Variants in ABCD2 observed in about 807,000 individuals in gnomAD.
The protein encoded by ABCD2 is ATP binding cassette subfamily D member 2.
ABCD2 carries 36 observed loss-of-function variants against 70.9 expected under a neutral mutation model. That is an observed-to-expected ratio of 0.51 (90% CI 0.39 to 0.67). The LOEUF is 0.67. ABCD2 is among the 30% of genes least tolerant of loss of function. ABCD2 has a pLI of 0.00. For missense variants in ABCD2, 729 were observed against 890.2 expected (o/e 0.82, Z 2.30); for synonymous variants, 304 against 306.9 (o/e 0.99, Z 0.10).
chr12:39,561,436 C>T (rs1477152525), intron 9 of ABCD2, among the ~76,000 whole-genome samples: 2 of 150,132 alleles, frequency 1.3e-5, no homozygotes, highest in African/African-American at 2.5e-5. Context: ...AAAAGCAAGA[C>T]CCAACTGTGC....
At chr12:39,607,115 T>C (rs920806389) in intron 3 of ABCD2, among the ~76,000 whole-genome samples, 6 of 152,196 alleles carry the variant, frequency 3.9e-5, no homozygotes, top group African/African-American at 1.4e-4. Context: ...GCGAGATATA[T>C]AAGAAATGTT....
At chr12:39,575,444 T>C (rs759660099) in intron 8 of ABCD2, among the ~76,000 whole-genome samples, 1 of 152,180 alleles carries the variant, frequency 6.6e-6, no homozygotes, top group Non-Finnish European at 1.5e-5. Flanking sequence ...TTAGGTAATA[T>C]TGTTTCTCAG....
chr12:39,533,939 A>C, the ABCD2 span, among the ~76,000 whole-genome samples: 1 of 152,262 alleles, frequency 6.6e-6, no homozygotes, highest in African/African-American at 2.4e-5. Context: ...GATAGGAATG[A>C]ATCTCAACGA....
At chr12:39,588,751 G>T (rs533582431) in intron 6 of ABCD2, among the ~76,000 whole-genome samples, 1 of 150,912 alleles carries the variant, frequency 6.6e-6, no homozygotes, top group African/African-American at 2.4e-5. Context: ...AAATTGAGGT[G>T]TTCTCTTAAA....
chr12:39,609,722 G>A (rs1410492618), intron 2 of ABCD2, among the ~76,000 whole-genome samples: 1 of 152,056 alleles, frequency 6.6e-6, no homozygotes, highest in East Asian at 1.9e-4. Context: ...GGATTTCAGT[G>A]CAAATATATA....
chr12:39,534,879 GGAAGGAAA>G, the ABCD2 span, among the ~76,000 whole-genome samples: 10 of 111,212 alleles, frequency 9.0e-5, no homozygotes, highest in East Asian at 1.3e-3. Context: ...AAGGAAGGAA[GGAAGGAAA>G]GAAAGAAAGA....
chr12:39,566,914 G>T (rs1179172391), intron 9 of ABCD2, among the ~76,000 whole-genome samples: 4 of 152,200 alleles, frequency 2.6e-5, no homozygotes, highest in Non-Finnish European at 4.4e-5. Flanking sequence ...GGAGCAGGTT[G>T]TTCAGTTTCC....
chr12:39,570,095 A>C (rs1243700255), intron 9 of ABCD2, among the ~76,000 whole-genome samples: 1 of 152,264 alleles, frequency 6.6e-6, no homozygotes, highest in Non-Finnish European at 1.5e-5. Flanking sequence ...ACACACATAC[A>C]CAAATAAAAT....
rs1377421022 is a variant in ABCD2 at position 39,607,676 on chromosome 12, C to T, written c.1159G>A (p.Glu387Lys). 1 of 1,612,786 alleles carries T rather than the reference C, an allele frequency of 6.2e-7. No homozygotes were observed. Among genetic ancestry groups the T allele is most frequent in the Non-Finnish European group, 8.5e-7 (1 of 1,179,636 alleles). Reference sequence around the variant, plus strand: ...AAATTTCGAGCAGTGGTAAAGGCTTCTGTCCGTTCACTAACCATAACTTGC... The same window carrying T: ...AAATTTCGAGCAGTGGTAAAGGCTTTTGTCCGTTCACTAACCATAACTTGC... ...QKQVMVSERT[E>K]AFTTARNLLA... The change falls in exon 3 of 10, where the codon GAA becomes AAA. Residue 387 changes from glutamate to lysine, a missense_variant. Glu to Lys is a moderately conservative substitution (Grantham distance 56). This residue lies in a region of ABCD2 where 195 missense variants were observed against 300.2 expected (regional missense o/e 0.65). Transcript: ENST00000308666.
At chr12:39,597,156 C>G (rs1386164672) in intron 6 of ABCD2, among the ~76,000 whole-genome samples, 1 of 152,068 alleles carries the variant, frequency 6.6e-6, no homozygotes. Flanking sequence ...CAAAAGAAAG[C>G]AAGATTTTAC....
the ABCD2 span, among the ~76,000 whole-genome samples, chr12:39,534,802 G>T: frequency 9.2e-6 from 1 of 108,804 alleles, no homozygotes; most frequent in Non-Finnish European, 2.0e-5. Context: ...AAGAAAGAAA[G>T]AAAGAAAAGA....
In ABCD2 at chr12:39,619,428, G is replaced by C. The variant is rs77536431; in HGVS notation, c.188C>G (p.Thr63Arg). 1.2e-3 allele frequency: 1,919 copies of C among 1,614,088 alleles called. 26 individuals are homozygous for C. In the African/African-American group the frequency reaches 0.022, roughly 19 times the overall value. ...KAAAYPAAEN[T>R]EILHCTETIC... ...GGTCTCGGTGCAATGCAGTATTTCT[G>C]TGTTCTCTGCAGCAGGGTAAGCTGC... The change falls in exon 1 of 10, where the codon ACA becomes AGA. Residue 63 changes from threonine (T) to arginine (R), a missense_variant. Physicochemically the swap from Thr to Arg is moderately conservative, Grantham distance 71 (BLOSUM62 -1). Around this residue, in one of 3 missense-constraint regions of ABCD2, gnomAD observed 245 missense variants for 261.2 expected, o/e 0.94. Transcript: ENST00000308666.
chr12:39,559,596 CA>C (rs1294682851), intron 9 of ABCD2, among the ~76,000 whole-genome samples: 2 of 151,444 alleles, frequency 1.3e-5, no homozygotes, highest in East Asian at 3.9e-4. Flanking sequence ...ATCAAACTGC[CA>C]AAAACCAAAG....
rs1942041613 is a variant in ABCD2, at chr12:39,611,307, TA to T, written c.1121-3594del. On this transcript the variant is annotated intron_variant, in intron 2 of 9. Coordinates refer to ENST00000308666, the MANE Select transcript of ABCD2 (RefSeq NM_005164.4). ...CCACACTAATACAAGATATAAGGCA[TA>T]GGGGAAACTATGGGGGGAGAGGGTA... Among the ~76,000 whole-genome samples the T allele has an allele frequency of 2.6e-5, 4 of 152,082 alleles. No individual in the cohort carries two copies. In the South Asian group the frequency reaches 8.3e-4, roughly 31 times the overall value.
rs116252051 is a variant in ABCD2, at chr12:39,580,014, G to A, written c.1793-395C>T. On this transcript the variant is annotated intron_variant, in intron 7 of 9. Transcript: ENST00000308666. ...GGTAAGAAAGGAACTAATTTAGGTG[G>A]CTCTCCTGTGCCTAGCACTTTATGT... 3.4e-3 allele frequency among the ~76,000 whole-genome samples: 519 copies of A among 152,088 alleles called. 2 individuals are homozygous for A. Among genetic ancestry groups the A allele is most frequent in the African/African-American group, 0.012 (497 of 41,484 alleles).
At chr12:39,594,885 A>C (rs1040243411) in intron 6 of ABCD2, among the ~76,000 whole-genome samples, 2 of 151,772 alleles carry the variant, frequency 1.3e-5, no homozygotes, top group Non-Finnish European at 2.9e-5. Flanking sequence ...GAGGTGCGAT[A>C]ATCACTTGAG....
intron 6 of ABCD2, among the ~76,000 whole-genome samples, chr12:39,586,746 A>G (rs1486514121): frequency 5.3e-5 from 8 of 152,182 alleles, no homozygotes; most frequent in Non-Finnish European, 1.0e-4. Flanking sequence ...GTTTCACTGT[A>G]TTTGATAAAG....
chr12:39,591,355 A>T (rs189706477), intron 6 of ABCD2, among the ~76,000 whole-genome samples: 88 of 152,312 alleles, frequency 5.8e-4, no homozygotes, highest in African/African-American at 1.9e-3. Context: ...ATATTTCTAG[A>T]TTCCAAAACA....
chr12:39,619,124 T>G lies in ABCD2; in HGVS notation c.492A>C (p.Ile164=). 1 of 1,614,192 alleles carries G rather than the reference T, an allele frequency of 6.2e-7. No individual in the cohort carries two copies. Among genetic ancestry groups the G allele is most frequent in the Admixed American group, 1.7e-5 (1 of 60,024 alleles). ...AAGCCAATTTGCATTCCAGGTACCT[T>G]ATTGCACTGTTGACGAAGGTAGCAG... The part of the protein sequence containing the change: ...AIPATFVNSA[I]RYLECKLALA... The change falls in exon 1 of 10, where the codon ATA becomes ATC. Residue 164 remains isoleucine (I), a synonymous_variant. Coordinates refer to ENST00000308666, the MANE Select transcript of ABCD2 (RefSeq NM_005164.4).
Sources: allele counts gnomAD v4.1 joint callset (sites outside exome capture counted in the v4.1 genomes callset), GRCh38; gene constraint gnomAD v4.1.1; regional missense constraint gnomAD v4.1.1; transcripts MANE v1.5; gene names NCBI Gene and HGNC (gene_info 2026-07-23, HGNC 2026-07-21).